The following GPR78 variants were observed in gnomAD, a reference collection of about 807,000 sequenced individuals.
GPR78 encodes the protein G protein-coupled receptor 78.
In GPR78, 29 loss-of-function variants were observed where a neutral mutation model predicts 17.9. That is an observed-to-expected ratio of 1.62 (90% CI 1.20 to 2.21). The LOEUF (loss-of-function observed/expected upper bound fraction) is 2.21, where lower values mean the gene tolerates loss of function less well. Among genes scored for constraint, GPR78 ranks in the 30% most tolerant of loss-of-function variants. The probability of loss-of-function intolerance (pLI) is 0.00; values close to 1 mark genes in which losing one functional copy is unlikely to be tolerated. For synonymous variants in GPR78, 349 were observed against 256.9 expected (o/e 1.36, Z -3.43); for missense variants, 649 against 530.5 (o/e 1.22, Z -2.19).
rs112509882 is a variant in GPR78 at position 8,581,453 on chromosome 4, G to T, written c.471G>T (p.Ser157=). Residue 157 remains serine, a synonymous_variant, in exon 1 of 3, where the codon TCG becomes TCT. Coordinates refer to ENST00000382487, the MANE Select transcript of GPR78 (RefSeq NM_080819.5). ...LGYSSAFASC[S]LRLPPEPERP... ...ACAGCAGCGCCTTCGCGTCCTGTTC[G>T]CTGCGCCTGCCGCCCGAGCCTGAGC... 1 of 1,590,886 alleles carries T rather than the reference G, an allele frequency of 6.3e-7. No homozygotes were observed.
At chr4:8,582,507 G>T in intron 1 of GPR78, 24 bp from the exon 2 acceptor site, 1 of 1,543,992 alleles carries the variant, frequency 6.5e-7, no homozygotes, top group South Asian at 1.1e-5. Context: ...CCATCATCCT[G>T]ACCACTGTCC....
chr4:8,581,104 C>A lies in GPR78; in HGVS notation c.122C>A (p.Ser41Ter). 1 of 1,606,606 alleles carries A rather than the reference C, an allele frequency of 6.2e-7. No individual in the cohort carries two copies. Residue 41 changes from serine (S) to a stop codon, truncating the protein, a stop_gained, in exon 1 of 3, where the codon TCA (serine) becomes TAA (stop). Transcript: ENST00000382487. LOFTEE classifies it high-confidence loss of function. The stretch of plus-strand genomic sequence containing the variant: ...AGCGCTGAGCTCCGCACTCGAGCCT[C>A]AGGCGTCCTCCTGGTGAATCTGTCT... ...AYSAELRTRA[S>*]GVLLVNLSLG...
intron 2 of GPR78, 160 bp downstream of exon 2, chr4:8,582,804 TG>T: frequency 1.7e-6 from 1 of 603,712 alleles, no homozygotes; most frequent in East Asian, 2.8e-5. Context: ...CTTCAGCTCC[TG>T]GGAAAGATCC....
rs752813458 is a variant in GPR78, at chr4:8,582,563, GGCGCCGCCACC to G, written c.707_717del (p.Arg236HisfsTer85). The G allele has an allele frequency of 3.7e-6, 6 of 1,611,410 alleles. No homozygotes were observed. The South Asian group carries it at 6.6e-5, about 18-fold the overall frequency. Reference sequence around the variant, plus strand: ...CAGCGCTGCCTCATCCAGCAGAAGCGGCGCCGCCACCGCGCCACCAGGAAGATTGGCATTGC... The same window carrying G: ...CAGCGCTGCCTCATCCAGCAGAAGCGGCGCCACCAGGAAGATTGGCATTGC... On this transcript the variant is annotated frameshift_variant, in exon 2 of 3. Transcript: ENST00000382487. LOFTEE classifies it high-confidence loss of function.
rs1382957959 is a variant in GPR78 at position 8,581,327 on chromosome 4, C to A, written c.345C>A (p.Ala115=). Residue 115 remains alanine, a synonymous_variant, in exon 1 of 3, where the codon GCC becomes GCA. Coordinates refer to ENST00000382487, the MANE Select transcript of GPR78 (RefSeq NM_080819.5). ...CAGTGGGCTTCCCACTGCGCTACGCCGGACGCCTGCGACCGCGCTATGCCG... is the reference window on the plus strand; with the variant it reads ...CAGTGGGCTTCCCACTGCGCTACGCAGGACGCCTGCGACCGCGCTATGCCG... ...WLAVGFPLRY[A]GRLRPRYAGL... is the part of the protein sequence containing the mutation. 6.3e-7 allele frequency: 1 copy of A among 1,576,326 alleles called. No individual in the cohort carries two copies. The highest frequency in any genetic ancestry group is 2.3e-5 in the East Asian group (1 of 44,060).
chr4:8,585,521 T>C lies in GPR78; in HGVS notation c.783-1533T>C, dbSNP rs372482436. Among the ~76,000 whole-genome samples the C allele has an allele frequency of 2.4e-3, 364 of 152,216 alleles. 1 individual carries two copies. The highest frequency in any genetic ancestry group is 8.2e-3 in the African/African-American group (340 of 41,532). ...TGACCAGTCTCCAGTCTATGCCTGA[T>C]ATTGGGCTCCCTGTATGTGGGGGTG... On this transcript the variant is annotated intron_variant, in intron 2 of 2. Coordinates refer to ENST00000382487, the MANE Select transcript of GPR78 (RefSeq NM_080819.5).
At chr4:8,581,957 A>G (rs1245654499) in intron 1 of GPR78, among the ~76,000 whole-genome samples, 1 of 152,018 alleles carries the variant, frequency 6.6e-6, no homozygotes, top group Non-Finnish European at 1.5e-5. Context: ...CCTCCTGTGC[A>G]TGGCTGTGGG....
In GPR78 at chr4:8,587,709, A is replaced by G. The variant is rs9799721; in HGVS notation, c.*346A>G. The G allele has an allele frequency of 0.17, 61,042 of 365,690 alleles. 7,070 individuals carry two copies. The highest frequency in any genetic ancestry group is 0.41 in the African/African-American group (20,058 of 49,058). The allele number at this position is 365,690 out of a possible 1,614,324, so 22.7% of individuals were successfully genotyped here. A position where few individuals can be genotyped will look rare whatever the true frequency, so the allele number is the denominator to read the frequency against. On this transcript the variant is annotated 3_prime_UTR_variant, in exon 3 of 3. Transcript: ENST00000382487. ...GGCATATGGTACTCGTGGGCGTGCT[A>G]TAAGTGACTGCTGTTCATGTGGGTG...
At chr4:8,584,065 T>A (rs1373341888) in intron 2 of GPR78, among the ~76,000 whole-genome samples, 1 of 152,192 alleles carries the variant, frequency 6.6e-6, no homozygotes, top group Non-Finnish European at 1.5e-5. Context: ...TGCATGTGTA[T>A]GTTGTGAGGG....
chr4:8,584,184 A>G (rs1272168057), intron 2 of GPR78, among the ~76,000 whole-genome samples: 1 of 152,182 alleles, frequency 6.6e-6, no homozygotes, highest in African/African-American at 2.4e-5. Flanking sequence ...TAGTTTTGAA[A>G]TTTTAAATGA....
rs1341121513 is a variant in GPR78 at position 8,588,901 on chromosome 4, CTG to C, written c.*1540_*1541del. ...AAACTTTTTGAGACAGGGTCTGACT[CTG>C]TTGCCTAGGCTAGAGTGCAGTGGTG... On this transcript the variant is annotated 3_prime_UTR_variant, in exon 3 of 3. Transcript: ENST00000382487. Among the ~76,000 whole-genome samples, 1 of 152,224 alleles carries C rather than the reference CTG, an allele frequency of 6.6e-6. No individual in the cohort carries two copies. Among genetic ancestry groups the C allele is most frequent in the Non-Finnish European group, 1.5e-5 (1 of 68,034 alleles).
At position 8,589,190 on chromosome 4, in the gene GPR78, T is replaced by C. The variant is rs924593686; in HGVS notation, c.*1827T>C. Among the ~76,000 whole-genome samples the C allele has an allele frequency of 2.6e-5, 4 of 152,142 alleles. No homozygotes were observed. The highest frequency in any genetic ancestry group is 5.9e-5 in the Non-Finnish European group (4 of 68,024). On this transcript the variant is annotated 3_prime_UTR_variant, in exon 3 of 3. Transcript: ENST00000382487. ...CCAGCCAAAACCAGGTGTTATTTGC[T>C]GACTCACCAATGCCTCCCCCAAAAG...
intron 2 of GPR78, among the ~76,000 whole-genome samples, chr4:8,584,744 T>C (rs1160839351): frequency 1.3e-5 from 2 of 152,108 alleles, no homozygotes; most frequent in Non-Finnish European, 2.9e-5. Flanking sequence ...CACTCCTGAG[T>C]GTGTGTGGAT....
Position 8,587,454 on chromosome 4 carries a change from G to A in GPR78, c.*91G>A. The A allele has an allele frequency of 1.6e-6, 2 of 1,285,724 alleles. No individual in the cohort carries two copies. Among genetic ancestry groups the A allele is most frequent in the Non-Finnish European group, 1.1e-6 (1 of 923,040 alleles). 79.6% of individuals were successfully genotyped at this position (1,285,724 alleles called of 1,614,324 possible). A position where few individuals can be genotyped will look rare whatever the true frequency, so the allele number is the denominator to read the frequency against. ...ACAGAGATGCCACTGGGGACCCCCA[G>A]ACACCAGTGGCTTGACTTTGAGCTA... On this transcript the variant is annotated 3_prime_UTR_variant, in exon 3 of 3. Transcript: ENST00000382487.
At chr4:8,584,601 A>G (rs969016940) in intron 2 of GPR78, among the ~76,000 whole-genome samples, 3 of 152,228 alleles carry the variant, frequency 2.0e-5, no homozygotes, top group African/African-American at 7.2e-5. Context: ...GCAGGTCAGC[A>G]AGACCAGGCA....
intron 1 of GPR78, among the ~76,000 whole-genome samples, chr4:8,582,232 G>T (rs55810243): frequency 0.24 from 36,224 of 151,986 alleles, 5,498 homozygotes; most frequent in Middle Eastern, 0.36. Flanking sequence ...CTCCTTGAGG[G>T]CCCCAGCCTT....
chr4:8,587,740 G>T lies in GPR78; in HGVS notation c.*377G>T. 3.4e-6 allele frequency: 1 copy of T among 297,018 alleles called. No individual in the cohort carries two copies. The highest frequency in any genetic ancestry group is 7.7e-5 in the East Asian group (1 of 12,964). 18.4% of individuals were successfully genotyped at this position (297,018 alleles called of 1,614,324 possible). A position where few individuals can be genotyped will look rare whatever the true frequency, so the allele number is the denominator to read the frequency against. On this transcript the variant is annotated 3_prime_UTR_variant, in exon 3 of 3. Transcript: ENST00000382487. ...GACTGCTGTTCATGTGGGTGAGGTG[G>T]TCACTCTTGCTCAGGGTCTGTTGTG...
rs1560280822 is a variant in GPR78, at chr4:8,581,571, CG to C, written c.592del (p.Val198TrpfsTer14). ...CTGCCTCACCTCGCTCCAGGTGCAC[CG>C]GGTGGCACGCAGACACTGCCAGCGC... The part of the protein sequence containing the change: ...VLCLTSLQVH[R>X]VARRHCQRMD... On this transcript the variant is annotated frameshift_variant, in exon 1 of 3. Transcript: ENST00000382487. LOFTEE classifies it high-confidence loss of function. 1.9e-6 allele frequency: 3 copies of C among 1,576,330 alleles called. No homozygotes were observed. The highest frequency in any genetic ancestry group is 1.7e-6 in the Non-Finnish European group (2 of 1,169,098).
In GPR78 at chr4:8,585,351, G is replaced by A. The variant is rs112520970; in HGVS notation, c.783-1703G>A. Among the ~76,000 whole-genome samples the A allele has an allele frequency of 8.0e-3, 1,221 of 152,298 alleles. 22 individuals carry two copies. The highest frequency in any genetic ancestry group is 0.024 in the African/African-American group (998 of 41,548). ...GTTTCTGATGACTTCCACCTGCACC[G>A]TGGCTTAACTAGGGGATAGACACTC... On this transcript the variant is annotated intron_variant, in intron 2 of 2. Transcript: ENST00000382487.
Sources: gnomAD v4.1 joint callset for allele counts (sites outside exome capture counted in the v4.1 genomes callset) on GRCh38, gnomAD v4.1.1 for gene constraint, MANE v1.5 for transcripts, NCBI Gene and HGNC (gene_info 2026-07-23, HGNC 2026-07-21) for gene names.